The following KMT2C variants were observed in gnomAD, a reference collection of about 807,000 sequenced individuals.
The protein encoded by KMT2C is histone-lysine N-methyltransferase 2C.
In KMT2C, 88 loss-of-function variants were observed where a neutral mutation model predicts 507.9. The observed-to-expected ratio is 0.17, with a 90% CI of 0.15 to 0.21. KMT2C has a LOEUF of 0.21. KMT2C is among the 10% of genes least tolerant of loss of function. The pLI, the probability that KMT2C is intolerant of heterozygous loss-of-function variation, is 1.00. For synonymous variants in KMT2C, 2,049 were observed against 2,080.8 expected, an observed-to-expected ratio of 0.98 and a Z score of 0.42; for missense variants, 4,954 against 5,957.8, an observed-to-expected ratio of 0.83 and a Z score of 5.55.
In KMT2C at chr7:152,149,123, A is replaced by G; in HGVS notation, c.12804T>C (p.Pro4268=). Reference sequence around the variant, plus strand: ...ATGCTTTGGAAGGCGTTTCTCTCATAGGTGATTGTGGCAATGAAGGAATGG... The same window carrying G: ...ATGCTTTGGAAGGCGTTTCTCTCATGGGTGATTGTGGCAATGAAGGAATGG... ...KESIPSLPQS[P]MRETPSKAFH... is the part of the protein sequence containing the mutation. Residue 4268 remains proline, a synonymous_variant, in exon 52 of 59, where the codon CCT becomes CCC. Coordinates refer to ENST00000262189, the MANE Select transcript of KMT2C (RefSeq NM_170606.3). 6.8e-7 allele frequency: 1 copy of G among 1,474,500 alleles called. No individual in the cohort carries two copies. The allele number at this position is 1,474,500 out of a possible 1,614,324, so 91.3% of individuals were successfully genotyped here.
At chr7:152,208,308 A>G (rs1188715602) in intron 23 of KMT2C, among the ~76,000 whole-genome samples, 3 of 152,128 alleles carry the variant, frequency 2.0e-5, no homozygotes, top group Non-Finnish European at 4.4e-5. Context: ...ATCTTCCCCA[A>G]TTTCTGCCTT....
chr7:152,249,832 T>G lies in KMT2C; in HGVS notation c.1813+44A>C, dbSNP rs374171912. On this transcript the variant is annotated intron_variant, in intron 13 of 58. Transcript: ENST00000262189. ...AAATGTCTTTGGGATAAAGACATTA[T>G]CTTGTAACTCAATCAAATTAGACAA... is the stretch of plus-strand genomic sequence containing the variant. 10 of 1,202,848 alleles carry G rather than the reference T, an allele frequency of 8.3e-6. No individual in the cohort carries two copies. In the African/African-American group the frequency reaches 1.2e-4, roughly 14 times the overall value. The allele number at this position is 1,202,848 out of a possible 1,614,324, so 74.5% of individuals were successfully genotyped here.
chr7:152,244,424 T>C (rs2095436706), intron 14 of KMT2C, among the ~76,000 whole-genome samples: 1 of 152,152 alleles, frequency 6.6e-6, no homozygotes, highest in African/African-American at 2.4e-5. Flanking sequence ...CTCACACCTG[T>C]AATCCCAGCA....
intron 39 of KMT2C, among the ~76,000 whole-genome samples, chr7:152,172,376 G>T (rs1371500540): frequency 6.6e-6 from 1 of 152,160 alleles, no homozygotes; most frequent in Non-Finnish European, 1.5e-5. Context: ...ATGCTGAAAG[G>T]CCTCAAATTC....
intron 6 of KMT2C, among the ~76,000 whole-genome samples, chr7:152,293,580 C>T (rs1325631724): frequency 1.3e-5 from 2 of 152,090 alleles, no homozygotes; most frequent in Admixed American, 6.6e-5. Context: ...TTATTCTCCA[C>T]CCCTCCCCTA....
intron 23 of KMT2C, among the ~76,000 whole-genome samples, chr7:152,210,059 T>C (rs1437405318): frequency 1.3e-5 from 2 of 151,946 alleles, no homozygotes; most frequent in Non-Finnish European, 1.5e-5. Flanking sequence ...AGACTGAAAA[T>C]AGGACCAAGA....
Position 152,176,478 on chromosome 7 carries a change from C to A in KMT2C, c.8975G>T (p.Gly2992Val), listed in dbSNP as rs2129113110. The A allele has an allele frequency of 6.2e-7, 1 of 1,614,066 alleles. No homozygotes were observed. Among genetic ancestry groups the A allele is most frequent in the Non-Finnish European group, 8.5e-7 (1 of 1,180,020 alleles). ...VFSQGVQVNP[G>V]LIPGQSTVNH... ...AACTGTTGATTGACCTGGAATGAGC[C>A]CTGGGTTTACCTGCACACCCTGAGA... The change falls in exon 38 of 59, where the codon GGG (glycine) becomes GTG (valine). Residue 2992 changes from glycine (G) to valine (V), a missense_variant. Gly to Val is a moderately radical substitution (Grantham distance 109). This residue lies in a region of KMT2C where 1,689 missense variants were observed against 1,654.3 expected (regional missense o/e 1.02). Transcript: ENST00000262189.
chr7:152,289,949 A>AG (rs2096380371), intron 6 of KMT2C, among the ~76,000 whole-genome samples: 1 of 151,972 alleles, frequency 6.6e-6, no homozygotes, highest in African/African-American at 2.4e-5. Flanking sequence ...CAGGAGGCTG[A>AG]GGCATGAGCA....
intron 9 of KMT2C, among the ~76,000 whole-genome samples, chr7:152,257,817 A>C (rs75694372): frequency 2.0e-5 from 3 of 152,100 alleles, no homozygotes; most frequent in African/African-American, 4.8e-5. Flanking sequence ...CTTGGGCCAC[A>C]CACAAGATAC....
At chr7:152,200,350 A>T (rs920079140) in intron 26 of KMT2C, among the ~76,000 whole-genome samples, 2 of 152,234 alleles carry the variant, frequency 1.3e-5, no homozygotes, top group African/African-American at 4.8e-5. Context: ...ACAATTTTTT[A>T]AAAGTATATA....
intron 42 of KMT2C, among the ~76,000 whole-genome samples, chr7:152,165,928 T>G (rs968865776): frequency 3.9e-5 from 6 of 152,214 alleles, no homozygotes; most frequent in African/African-American, 1.4e-4. Flanking sequence ...CCTCAGGTGA[T>G]CCGCCTGTCT....
chr7:152,213,840 T>C (rs1305249136), intron 23 of KMT2C, among the ~76,000 whole-genome samples: 1 of 148,924 alleles, frequency 6.7e-6, no homozygotes, highest in Non-Finnish European at 1.5e-5. Flanking sequence ...GGGGTTAAAA[T>C]CCAAAACATA....
intron 25 of KMT2C, 41 bp from the exon 26 acceptor site, chr7:152,203,105 A>G: frequency 2.0e-6 from 3 of 1,528,410 alleles, no homozygotes; most frequent in Non-Finnish European, 2.6e-6. Context: ...GACATTTAAA[A>G]TTTCTAGACA....
chr7:152,244,998 A>C (rs1167193413), intron 14 of KMT2C, among the ~76,000 whole-genome samples: 1 of 152,240 alleles, frequency 6.6e-6, no homozygotes, highest in Non-Finnish European at 1.5e-5. Context: ...CCAATACCTG[A>C]GATATAAATT....
intron 3 of KMT2C, among the ~76,000 whole-genome samples, chr7:152,325,338 G>A (rs1180538050): frequency 6.6e-6 from 1 of 151,840 alleles, no homozygotes; most frequent in Non-Finnish European, 1.5e-5. Flanking sequence ...TAGTAGAGAT[G>A]GGGTTTCACC....
chr7:152,373,162 A>C (rs6949854), intron 1 of KMT2C, among the ~76,000 whole-genome samples: 7,377 of 151,778 alleles, frequency 0.049, 628 homozygotes, highest in African/African-American at 0.17. Flanking sequence ...CAGAAAAAAA[A>C]CAGATATAAA....
chr7:152,435,746 G>A lies in KMT2C; in HGVS notation c.41C>T (p.Pro14Leu). 1 of 1,521,518 alleles carries A rather than the reference G, an allele frequency of 6.6e-7. No individual in the cohort carries two copies. Among genetic ancestry groups the A allele is most frequent in the Non-Finnish European group, 8.8e-7 (1 of 1,133,272 alleles). 94.3% of individuals were successfully genotyped at this position (1,521,518 alleles called of 1,614,324 possible). A position where few individuals can be genotyped will look rare whatever the true frequency, so the allele number is the denominator to read the frequency against. Residue 14 changes from proline (P) to leucine (L), a missense_variant, in exon 1 of 59, where the codon CCG becomes CTG. Physicochemically the swap from Pro to Leu is moderately conservative, Grantham distance 98 (BLOSUM62 -3). Around this residue, in one of 29 missense-constraint regions of KMT2C, gnomAD observed 51 missense variants for 43.5 expected, o/e 1.17. Transcript: ENST00000262189. ...AGGCTCCTCGGGGGGTGGTGGCGGC[G>A]GCTGCGGCTGCTCCACGCTCTTGTC... is the stretch of plus-strand genomic sequence containing the variant. ...EEDKSVEQPQ[P>L]PPPPPEEPGA... is the part of the protein sequence containing the mutation.
At chr7:152,355,144 T>C (rs931373367) in intron 2 of KMT2C, among the ~76,000 whole-genome samples, 4 of 152,076 alleles carry the variant, frequency 2.6e-5, no homozygotes, top group Non-Finnish European at 5.9e-5. Flanking sequence ...AAATGTGAAA[T>C]GTGAATGTCT....
At chr7:152,195,835 C>T in intron 28 of KMT2C, 72 bp downstream of exon 28, 1 of 783,760 alleles carries the variant, frequency 1.3e-6, no homozygotes, top group Non-Finnish European at 1.9e-6. Flanking sequence ...AAAGGCTAAA[C>T]TTGTTCCACA....
Sources: allele counts gnomAD v4.1 joint callset (sites outside exome capture counted in the v4.1 genomes callset), GRCh38; gene constraint gnomAD v4.1.1; regional missense constraint gnomAD v4.1.1; transcripts MANE v1.5; gene names NCBI Gene and HGNC (gene_info 2026-07-23, HGNC 2026-07-21).